Variants in TTLL9 observed in about 807,000 individuals in gnomAD.
TTLL9 encodes the protein probable tubulin polyglutamylase TTLL9.
Under a neutral mutation model 65.6 loss-of-function variants are expected in TTLL9, and 47 were observed. The observed-to-expected ratio is 0.72, with a 90% CI of 0.57 to 0.91. TTLL9 has a LOEUF of 0.91. TTLL9 is among the 40% of genes least tolerant of loss of function. TTLL9 has a pLI of 0.00. For synonymous variants in TTLL9, 179 were observed against 204.8 expected (o/e 0.87, Z 1.07); for missense variants, 537 against 568.8 (o/e 0.94, Z 0.57).
chr20:31,889,972 C>CCCTT (rs1555809589), intron 3 of TTLL9, among the ~76,000 whole-genome samples: 1 of 113,862 alleles, frequency 8.8e-6, no homozygotes, highest in Non-Finnish European at 1.8e-5. Flanking sequence ...CCACATCTCT[C>CCCTT]TCTTTCTTTC....
At chr20:31,904,644 C>T (rs540087530) in intron 4 of TTLL9, among the ~76,000 whole-genome samples, 1 of 152,286 alleles carries the variant, frequency 6.6e-6, no homozygotes, top group Admixed American at 6.5e-5. Flanking sequence ...TGGCTTGAGC[C>T]ACCGTGCCTG....
chr20:31,871,632 C>T (rs796412080), intron 2 of TTLL9, among the ~76,000 whole-genome samples: 3 of 152,252 alleles, frequency 2.0e-5, no homozygotes, highest in African/African-American at 7.2e-5. Flanking sequence ...GTTTCTTCCT[C>T]CCTCAAGTTC....
chr20:31,879,840 G>A (rs1210632854), intron 2 of TTLL9: 1 of 1,549,900 alleles, frequency 6.5e-7, no homozygotes. Flanking sequence ...AGCACGCGAG[G>A]CGCGCGGTGG....
chr20:31,874,939 G>A (rs1055075751), intron 2 of TTLL9, among the ~76,000 whole-genome samples: 5 of 152,168 alleles, frequency 3.3e-5, no homozygotes, highest in African/African-American at 9.7e-5. Flanking sequence ...TAGAGTTTAC[G>A]AAAGAAACTC....
intron 14 of TTLL9, among the ~76,000 whole-genome samples, 156 bp from the exon 15 acceptor site, chr20:31,942,789 A>G (rs528164421): frequency 3.9e-5 from 6 of 152,298 alleles, no homozygotes; most frequent in African/African-American, 1.4e-4. Context: ...CTTGAGGGCC[A>G]TGGCAGTTTA....
chr20:31,920,887 C>G (rs2063806582), intron 7 of TTLL9, among the ~76,000 whole-genome samples: 1 of 152,224 alleles, frequency 6.6e-6, no homozygotes, highest in Non-Finnish European at 1.5e-5. Flanking sequence ...GTGTGTGACC[C>G]TTGTCTTTGA....
chr20:31,920,084 T>G, intron 7 of TTLL9, 152 bp downstream of exon 7: 1 of 603,880 alleles, frequency 1.7e-6, no homozygotes, highest in East Asian at 3.5e-5. Flanking sequence ...AGAGCCAGAT[T>G]GTCCAGGTTC....
At chr20:31,873,370 T>A (rs1266374304) in intron 2 of TTLL9, among the ~76,000 whole-genome samples, 1 of 152,130 alleles carries the variant, frequency 6.6e-6, no homozygotes, top group Non-Finnish European at 1.5e-5. Context: ...ATGCTGATGC[T>A]GGGCGTGGTG....
At chr20:31,887,104 G>GT in intron 2 of TTLL9, 92 bp from the exon 3 acceptor site, 1 of 1,347,938 alleles carries the variant, frequency 7.4e-7, no homozygotes, top group Non-Finnish European at 1.1e-6. Context: ...GAGTCTGACG[G>GT]TTTGGGCATT....
At chr20:31,918,996 G>C (rs1192753568) in intron 6 of TTLL9, among the ~76,000 whole-genome samples, 2 of 152,164 alleles carry the variant, frequency 1.3e-5, no homozygotes, top group African/African-American at 4.8e-5. Context: ...AGCCTCGGGT[G>C]GGCCAGGTGG....
chr20:31,922,376 C>A (rs999686267), intron 7 of TTLL9, among the ~76,000 whole-genome samples: 1 of 152,152 alleles, frequency 6.6e-6, no homozygotes, highest in Non-Finnish European at 1.5e-5. Context: ...GTGCAACCAC[C>A]ACCACCACCA....
chr20:31,893,356 T>C (rs531006370), intron 3 of TTLL9, among the ~76,000 whole-genome samples: 142 of 149,132 alleles, frequency 9.5e-4, no homozygotes, highest in African/African-American at 3.3e-3. Flanking sequence ...AATGGTGCAA[T>C]CTCGGCTCAC....
At chr20:31,910,998 A>AC (rs950817935) in intron 6 of TTLL9, among the ~76,000 whole-genome samples, 6 of 152,042 alleles carry the variant, frequency 3.9e-5, no homozygotes, top group Admixed American at 6.5e-5. Flanking sequence ...ACATGGTGAA[A>AC]CCCCCATCTT....
At chr20:31,908,495 C>A in intron 4 of TTLL9, 96 bp from the exon 5 acceptor site, 1 of 784,568 alleles carries the variant, frequency 1.3e-6, no homozygotes, top group Non-Finnish European at 2.2e-6. Flanking sequence ...GTGCTGTGTA[C>A]CCTTCCTCAA....
intron 6 of TTLL9, among the ~76,000 whole-genome samples, chr20:31,911,292 C>T (rs943938336): frequency 2.0e-5 from 3 of 152,216 alleles, no homozygotes; most frequent in African/African-American, 4.8e-5. Flanking sequence ...CACATGCCAC[C>T]GTAGCCTTGA....
At chr20:31,922,390 G>C (rs992873624) in intron 7 of TTLL9, among the ~76,000 whole-genome samples, 1 of 151,956 alleles carries the variant, frequency 6.6e-6, no homozygotes, top group Non-Finnish European at 1.5e-5. Context: ...ACCACCATCC[G>C]TCTCCAGAAC....
At chr20:31,875,629 C>T (rs543733167) in intron 2 of TTLL9, among the ~76,000 whole-genome samples, 2 of 152,240 alleles carry the variant, frequency 1.3e-5, no homozygotes, top group African/African-American at 4.8e-5. Context: ...TCCTATTAGA[C>T]TTGTTTAGAT....
chr20:31,895,780 C>A (rs2063375331), intron 3 of TTLL9, among the ~76,000 whole-genome samples: 2 of 151,540 alleles, frequency 1.3e-5, no homozygotes, highest in East Asian at 3.9e-4. Flanking sequence ...CCATTTCAGT[C>A]CCTCTGCCTT....
intron 2 of TTLL9, among the ~76,000 whole-genome samples, chr20:31,874,664 C>T (rs982540469): frequency 6.8e-6 from 1 of 146,606 alleles, no homozygotes; most frequent in African/African-American, 2.4e-5. Flanking sequence ...CCCACCTTGG[C>T]CCCCCAAAAT....
Sources: allele counts gnomAD v4.1 joint callset (sites outside exome capture counted in the v4.1 genomes callset), GRCh38; gene constraint gnomAD v4.1.1; transcripts MANE v1.5; gene names NCBI Gene and HGNC (gene_info 2026-07-23, HGNC 2026-07-21).